The following STAU2 variants were observed in gnomAD, a reference collection of about 807,000 sequenced individuals.
The protein encoded by STAU2 is double-stranded RNA-binding protein Staufen homolog 2.
STAU2 carries 20 observed loss-of-function variants against 65.9 expected under a neutral mutation model. The observed-to-expected ratio is 0.30, with a 90% CI of 0.21 to 0.44. STAU2 has a LOEUF of 0.44. Among genes scored for constraint, STAU2 ranks in the 20% least tolerant of loss-of-function variants. STAU2 has a pLI of 1.00. For missense variants in STAU2, 558 were observed against 683.9 expected (o/e 0.82, Z 2.05); for synonymous variants, 232 against 233.9 (o/e 0.99, Z 0.07).
At position 73,688,808 on chromosome 8, in the gene STAU2, G is replaced by A. The variant is rs1377506025; in HGVS notation, c.120C>T (p.Phe40=). The part of the protein sequence containing the change: ...NERGPAHSKM[F]SVQLSLGEQT... The stretch of plus-strand genomic sequence containing the variant: ...GCTCACCAAGACTCAGCTGCACTGA[G>A]AACATCTTAGAAAAACATAAATAGA... Residue 40 remains phenylalanine, a synonymous_variant, in exon 5 of 15, where the codon TTC becomes TTT. Transcript: ENST00000524300. The A allele has an allele frequency of 1.2e-6, 2 of 1,612,886 alleles. No individual in the cohort carries two copies. Among genetic ancestry groups the A allele is most frequent in the African/African-American group, 2.7e-5 (2 of 74,806 alleles).
intron 13 of STAU2, among the ~76,000 whole-genome samples, chr8:73,523,129 G>A (rs553492564): frequency 3.3e-5 from 5 of 150,336 alleles, no homozygotes; most frequent in African/African-American, 1.2e-4. Flanking sequence ...CCGGGAAGTG[G>A]AGGTTGCAGT....
intron 13 of STAU2, among the ~76,000 whole-genome samples, chr8:73,478,183 T>C (rs1820416151): frequency 6.6e-6 from 1 of 151,050 alleles, no homozygotes; most frequent in African/African-American, 2.4e-5. Flanking sequence ...AGATTAAAGA[T>C]AAAGTATATG....
At chr8:73,502,471 C>T (rs1407538939) in intron 13 of STAU2, among the ~76,000 whole-genome samples, 1 of 152,012 alleles carries the variant, frequency 6.6e-6, no homozygotes, top group Non-Finnish European at 1.5e-5. Context: ...CTTGTTCCCA[C>T]TAATATCCAA....
In STAU2 at chr8:73,739,854, T is replaced by C. The variant is rs762799658; in HGVS notation, c.-182A>G. On this transcript the variant is annotated 5_prime_UTR_variant, in exon 2 of 15. Coordinates refer to ENST00000524300, the MANE Select transcript of STAU2 (RefSeq NM_001164380.2). The stretch of plus-strand genomic sequence containing the variant: ...TCTTTAAAAAGTAAGCTAAAGTCCT[T>C]GTGGTAGGCAGCCTCTAACAAATAG... 9 of 1,217,844 alleles carry C rather than the reference T, an allele frequency of 7.4e-6. No homozygotes were observed. The South Asian group carries it at 1.2e-4, about 16-fold the overall frequency. The allele number at this position is 1,217,844 out of a possible 1,614,324, so 75.4% of individuals were successfully genotyped here.
intron 13 of STAU2, among the ~76,000 whole-genome samples, chr8:73,472,079 T>C (rs1469110530): frequency 6.6e-6 from 1 of 152,150 alleles, no homozygotes; most frequent in Non-Finnish European, 1.5e-5. Context: ...CAGAATGGAT[T>C]CGCCTTTCAT....
At chr8:73,492,105 T>C (rs1821181096) in intron 13 of STAU2, among the ~76,000 whole-genome samples, 2 of 151,882 alleles carry the variant, frequency 1.3e-5, no homozygotes, top group South Asian at 4.2e-4. Context: ...AGTACCAAGA[T>C]GTGTTTTCTA....
At chr8:73,535,769 T>A (rs552356123) in intron 13 of STAU2, among the ~76,000 whole-genome samples, 2 of 152,302 alleles carry the variant, frequency 1.3e-5, no homozygotes, top group South Asian at 4.1e-4. Flanking sequence ...AAAATTATTT[T>A]CAACATTAAA....
At chr8:73,680,070 A>C (rs1406279457) in intron 5 of STAU2, among the ~76,000 whole-genome samples, 2 of 133,984 alleles carry the variant, frequency 1.5e-5, no homozygotes, top group Non-Finnish European at 1.5e-5. Flanking sequence ...CACAGTGAGA[A>C]AGACTTCTAG....
At chr8:73,518,803 T>C (rs1822882574) in intron 13 of STAU2, among the ~76,000 whole-genome samples, 1 of 152,098 alleles carries the variant, frequency 6.6e-6, no homozygotes, top group Non-Finnish European at 1.5e-5. Context: ...TAAGATATGA[T>C]TAAATTCCTT....
intron 13 of STAU2, 52 bp from the exon 14 acceptor site, chr8:73,422,754 A>C: frequency 2.5e-6 from 3 of 1,223,586 alleles, no homozygotes; most frequent in Non-Finnish European, 3.2e-6. Flanking sequence ...AGTGTAATGA[A>C]CAAGTAACTG....
At chr8:73,541,899 CAA>C (rs771447563) in intron 13 of STAU2, among the ~76,000 whole-genome samples, 5 of 151,800 alleles carry the variant, frequency 3.3e-5, no homozygotes, top group Non-Finnish European at 7.4e-5. Context: ...TTACATAATC[CAA>C]AAGACTAAAG....
At chr8:73,574,605 T>C (rs1809368945) in intron 12 of STAU2, among the ~76,000 whole-genome samples, 1 of 152,168 alleles carries the variant, frequency 6.6e-6, no homozygotes, top group Admixed American at 6.5e-5. Context: ...ATGTCCTTTG[T>C]AGGGACATGG....
chr8:73,715,148 AT>A (rs1554570356), intron 3 of STAU2, among the ~76,000 whole-genome samples: 1 of 152,066 alleles, frequency 6.6e-6, no homozygotes, highest in Non-Finnish European at 1.5e-5. Flanking sequence ...CTATAAATCA[AT>A]TTTTTTAAAG....
At chr8:73,707,690 T>G (rs1563520310) in intron 4 of STAU2, among the ~76,000 whole-genome samples, 1 of 150,338 alleles carries the variant, frequency 6.7e-6, no homozygotes, top group African/African-American at 2.5e-5. Context: ...GAGCAAAGAG[T>G]ATATACTACA....
chr8:73,743,185 A>T (rs1013860294), intron 1 of STAU2, among the ~76,000 whole-genome samples: 4 of 152,138 alleles, frequency 2.6e-5, no homozygotes, highest in Non-Finnish European at 5.9e-5. Flanking sequence ...TACGCCACAA[A>T]CTATTCTAGT....
At chr8:73,673,319 C>A in intron 5 of STAU2, 77 bp from the exon 6 acceptor site, 2 of 1,313,462 alleles carry the variant, frequency 1.5e-6, no homozygotes, top group Non-Finnish European at 2.0e-6. Flanking sequence ...ATTTATACAA[C>A]GCTTAAATAC....
At chr8:73,448,443 C>T (rs1460060581) in intron 13 of STAU2, among the ~76,000 whole-genome samples, 1 of 152,154 alleles carries the variant, frequency 6.6e-6, no homozygotes, top group Non-Finnish European at 1.5e-5. Flanking sequence ...CCGCCACGCC[C>T]GGCTAATTTT....
chr8:73,518,114 T>C (rs990573330), intron 13 of STAU2, among the ~76,000 whole-genome samples: 3 of 152,232 alleles, frequency 2.0e-5, no homozygotes, highest in Non-Finnish European at 4.4e-5. Context: ...ACCTTTGCCA[T>C]AGGCAAACTT....
At chr8:73,424,802 G>A (rs928676839) in intron 13 of STAU2, among the ~76,000 whole-genome samples, 2 of 151,384 alleles carry the variant, frequency 1.3e-5, no homozygotes, top group African/African-American at 2.4e-5. Flanking sequence ...TTTTTCTTTA[G>A]ATTACTCCTT....
Sources: allele counts gnomAD v4.1 joint callset (sites outside exome capture counted in the v4.1 genomes callset), GRCh38; gene constraint gnomAD v4.1.1; transcripts MANE v1.5; gene names NCBI Gene and HGNC (gene_info 2026-07-23, HGNC 2026-07-21).